The following SYT4 variants were observed in gnomAD, a reference collection of about 807,000 sequenced individuals.
The protein encoded by SYT4 is synaptotagmin-4.
A neutral mutation model predicts 32.9 loss-of-function variants in SYT4; 7 were observed. That is an observed-to-expected ratio of 0.21 (90% CI 0.12 to 0.40). The LOEUF (loss-of-function observed/expected upper bound fraction) is 0.40, where lower values mean the gene tolerates loss of function less well. SYT4 is among the 10% of genes least tolerant of loss of function. SYT4 has a pLI of 1.00. For missense variants in SYT4, 480 were observed against 488.0 expected (o/e 0.98, Z 0.16); for synonymous variants, 205 against 186.2 (o/e 1.10, Z -0.82).
In SYT4 at chr18:43,270,615, T is replaced by C. The variant is rs1216896514; in HGVS notation, c.1004A>G (p.Lys335Arg). The change falls in exon 4 of 4, where the codon AAA (lysine) becomes AGA (arginine). Residue 335 changes from lysine (K) to arginine (R), a missense_variant. Physicochemically the swap from Lys to Arg is conservative, Grantham distance 26. Transcript: ENST00000255224. ...AGTCTTCTTCTTGGAGATTCTCTTT[T>C]TGGCATGGTACAGGTTCACTTTGAC... ...PYVKVNLYHA[K>R]KRISKKKTHV... 1.2e-6 allele frequency: 2 copies of C among 1,613,978 alleles called. No homozygotes were observed. The highest frequency in any genetic ancestry group is 1.7e-6 in the Non-Finnish European group (2 of 1,179,934).
In SYT4 at chr18:43,270,056, C is replaced by T; in HGVS notation, c.*285G>A. On this transcript the variant is annotated 3_prime_UTR_variant, in exon 4 of 4. Transcript: ENST00000255224. ...TCACATTTATAATTTGGGATTCTGGCACAGTATTCATAAAATGTCTGACTA... is the reference window on the plus strand; with the variant it reads ...TCACATTTATAATTTGGGATTCTGGTACAGTATTCATAAAATGTCTGACTA... The T allele has an allele frequency of 2.7e-6, 1 of 367,578 alleles. No individual in the cohort carries two copies. The highest frequency in any genetic ancestry group is 4.9e-6 in the Non-Finnish European group (1 of 203,192). The allele number at this position is 367,578 out of a possible 1,614,324, so 22.8% of individuals were successfully genotyped here.
chr18:43,270,560 C>T lies in SYT4; in HGVS notation c.1059G>A (p.Val353=). ...THVKKCTPNA[V]FNELFVFDIP... ...TATCAAAGACAAACAGCTCATTGAA[C>T]ACTGCATTGGGGGTGCATTTCTTCA... Residue 353 remains valine (V), a synonymous_variant, in exon 4 of 4, where the codon GTG becomes GTA. Transcript: ENST00000255224. 1.2e-6 allele frequency: 2 copies of T among 1,614,044 alleles called. No individual in the cohort carries two copies. Among genetic ancestry groups the T allele is most frequent in the South Asian group, 2.2e-5 (2 of 91,082 alleles).
At position 43,273,950 on chromosome 18, in the gene SYT4, GAGA is replaced by G; in HGVS notation, c.476_478del (p.Phe159del). ...TTTTCTCTCGAAGTTGTATTCTAAG[GAGA>G]AGAAGAGAGTTCCCAGCTTCTCTTG... is the stretch of plus-strand genomic sequence containing the variant. On this transcript the variant is annotated inframe_deletion, in exon 2 of 4. Transcript: ENST00000255224. The G allele has an allele frequency of 6.2e-7, 1 of 1,613,938 alleles. No homozygotes were observed. The highest frequency in any genetic ancestry group is 8.5e-7 in the Non-Finnish European group (1 of 1,179,916).
At chr18:43,275,882 A>G (rs1007516657) in intron 1 of SYT4, among the ~76,000 whole-genome samples, 1 of 146,890 alleles carries the variant, frequency 6.8e-6, no homozygotes, top group African/African-American at 2.5e-5. Flanking sequence ...CCTTCTATTC[A>G]AGTCTTTGTG....
intron 1 of SYT4, among the ~76,000 whole-genome samples, chr18:43,276,089 G>T (rs1908783861): frequency 6.6e-6 from 1 of 152,108 alleles, no homozygotes; most frequent in Admixed American, 6.5e-5. Flanking sequence ...CTCCATATTA[G>T]AAAATCATTC....
Position 43,270,104 on chromosome 18 carries a change from T to A in SYT4, c.*237A>T, listed in dbSNP as rs1174882528. ...CTATTCCTAGTTATATCACTGGTAA[T>A]CTGAAGGAGATATTGAATATCTTAT... is the stretch of plus-strand genomic sequence containing the variant. On this transcript the variant is annotated 3_prime_UTR_variant, in exon 4 of 4. Coordinates refer to ENST00000255224, the MANE Select transcript of SYT4 (RefSeq NM_020783.4). The A allele has an allele frequency of 3.9e-6, 2 of 515,522 alleles. No individual in the cohort carries two copies. Among genetic ancestry groups the A allele is most frequent in the African/African-American group, 3.8e-5 (2 of 52,550 alleles). 31.9% of individuals were successfully genotyped at this position (515,522 alleles called of 1,614,324 possible). A position where few individuals can be genotyped will look rare whatever the true frequency, so the allele number is the denominator to read the frequency against.
chr18:43,271,841 A>G lies in SYT4; in HGVS notation c.850-9T>C. 1 of 1,609,810 alleles carries G rather than the reference A, an allele frequency of 6.2e-7. No homozygotes were observed. The highest frequency in any genetic ancestry group is 8.5e-7 in the Non-Finnish European group (1 of 1,177,444). ...CCCCGTCCTGAAGACTTCTGCAGAA[A>G]GAGAAATGTGATATAAGTATTTCTA... On this transcript the variant is annotated splice_polypyrimidine_tract_variant and intron_variant, in intron 2 of 3. Coordinates refer to ENST00000255224, the MANE Select transcript of SYT4 (RefSeq NM_020783.4).
intron 3 of SYT4, 111 bp from the exon 4 acceptor site, chr18:43,270,759 G>C: frequency 6.0e-6 from 7 of 1,162,930 alleles, no homozygotes; most frequent in Non-Finnish European, 8.4e-6. Context: ...TGGTTACCAG[G>C]AAAATAAGTC....
chr18:43,270,201 A>T lies in SYT4; in HGVS notation c.*140T>A. On this transcript the variant is annotated 3_prime_UTR_variant, in exon 4 of 4. Transcript: ENST00000255224. ...CACATTTGAAGTTACTTTCTGGTCT[A>T]CTAATTCAATCCATTTCTAGCAACA... 1 of 843,622 alleles carries T rather than the reference A, an allele frequency of 1.2e-6. No homozygotes were observed. Among genetic ancestry groups the T allele is most frequent in the Non-Finnish European group, 1.9e-6 (1 of 533,528 alleles). 52.3% of individuals were successfully genotyped at this position (843,622 alleles called of 1,614,324 possible).
rs1204599339 is a variant in SYT4 at position 43,273,607 on chromosome 18, A to G, written c.822T>C (p.Asn274=). Residue 274 remains asparagine, a synonymous_variant, in exon 2 of 4, where the codon AAT becomes AAC. Transcript: ENST00000255224. ...IELSEGKMLM[N]REIIKRNVRK... Reference sequence around the variant, plus strand: ...TAACATTTCTCTTGATGATCTCTCTATTCATTAACATTTTTCCTTCAGATA... The same window carrying G: ...TAACATTTCTCTTGATGATCTCTCTGTTCATTAACATTTTTCCTTCAGATA... 1.9e-6 allele frequency: 3 copies of G among 1,612,210 alleles called. No homozygotes were observed. The highest frequency in any genetic ancestry group is 2.5e-6 in the Non-Finnish European group (3 of 1,178,922).
Position 43,270,240 on chromosome 18 carries a change from A to C in SYT4, c.*101T>G. On this transcript the variant is annotated 3_prime_UTR_variant, in exon 4 of 4. Coordinates refer to ENST00000255224, the MANE Select transcript of SYT4 (RefSeq NM_020783.4). ...TTTCTAGCAACAACAACAACAACAA[A>C]AAGGTAGCTTGATTTCCCAAGCTTG... 7.8e-7 allele frequency: 1 copy of C among 1,280,348 alleles called. No individual in the cohort carries two copies. The highest frequency in any genetic ancestry group is 1.1e-6 in the Non-Finnish European group (1 of 922,040). The allele number at this position is 1,280,348 out of a possible 1,614,324, so 79.3% of individuals were successfully genotyped here.
chr18:43,277,399 C>A lies in SYT4; in HGVS notation c.-118G>T. 2.5e-6 allele frequency: 3 copies of A among 1,206,966 alleles called. No homozygotes were observed. The highest frequency in any genetic ancestry group is 1.3e-5 in the South Asian group (1 of 78,602). The allele number at this position is 1,206,966 out of a possible 1,614,324, so 74.8% of individuals were successfully genotyped here. ...GAAAACAACAGCGCAGAGCCCAGGG[C>A]ACCAGCTCCTGGAACAGGGAGGAGG... On this transcript the variant is annotated 5_prime_UTR_variant, in exon 1 of 4. Coordinates refer to ENST00000255224, the MANE Select transcript of SYT4 (RefSeq NM_020783.4).
Position 43,270,400 on chromosome 18 carries a change from C to G in SYT4, c.1219G>C (p.Glu407Gln), listed in dbSNP as rs1399249030. Residue 407 changes from glutamate to glutamine, a missense_variant, in exon 4 of 4, where the codon GAG becomes CAG. Transcript: ENST00000255224. ...TGTCTCCTGGGGTAGTCACAGATCT[C>G]TTTCCAGTGCTCTCCACCAGTTCCT... is the stretch of plus-strand genomic sequence containing the variant. The part of the protein sequence containing the change: ...AEGTGGEHWK[E>Q]ICDYPRRQIA... 1 of 1,614,002 alleles carries G rather than the reference C, an allele frequency of 6.2e-7. No individual in the cohort carries two copies. Among genetic ancestry groups the G allele is most frequent in the Non-Finnish European group, 8.5e-7 (1 of 1,179,984 alleles).
Position 43,270,414 on chromosome 18 carries a change from C to A in SYT4, c.1205G>T (p.Gly402Val). 6.2e-7 allele frequency: 1 copy of A among 1,614,116 alleles called. No individual in the cohort carries two copies. The change falls in exon 4 of 4, where the codon GGA (glycine) becomes GTA (valine). Residue 402 changes from glycine (G) to valine (V), a missense_variant. Gly to Val is a moderately radical substitution (Grantham distance 109). Coordinates refer to ENST00000255224, the MANE Select transcript of SYT4 (RefSeq NM_020783.4). Reference sequence around the variant, plus strand: ...GTCACAGATCTCTTTCCAGTGCTCTCCACCAGTTCCTTCTGCTGCTGCACC... The same window carrying A: ...GTCACAGATCTCTTTCCAGTGCTCTACACCAGTTCCTTCTGCTGCTGCACC... ...VLGAAAEGTGGEHWKEICDYP... is the reference protein window; with the variant it reads ...VLGAAAEGTGVEHWKEICDYP...
intron 1 of SYT4, among the ~76,000 whole-genome samples, chr18:43,275,892 GA>G (rs35823374): frequency 0.18 from 26,887 of 150,894 alleles, 2,627 homozygotes; most frequent in Non-Finnish European, 0.22. Context: ...AAGTCTTTGT[GA>G]AAAAAAAATG....
rs1336480692 is a variant in SYT4 at position 43,268,085 on chromosome 18, G to C, written c.*2256C>G. On this transcript the variant is annotated 3_prime_UTR_variant, in exon 4 of 4. Transcript: ENST00000255224. ...CAAACATGTATACCTCCCCATTTGG[G>C]TGGTGAGATTGGCTAATCAGACAAA... 6.6e-6 allele frequency: 1 copy of C among 152,510 alleles called. No individual in the cohort carries two copies. The highest frequency in any genetic ancestry group is 1.5e-5 in the Non-Finnish European group (1 of 68,026). 9.4% of individuals were successfully genotyped at this position (152,510 alleles called of 1,614,324 possible). A position where few individuals can be genotyped will look rare whatever the true frequency, so the allele number is the denominator to read the frequency against.
intron 2 of SYT4, among the ~76,000 whole-genome samples, chr18:43,272,509 T>C (rs1908661424): frequency 6.6e-6 from 1 of 152,202 alleles, no homozygotes; most frequent in Non-Finnish European, 1.5e-5. Context: ...AGATTTCATT[T>C]GTACTTTAAA....
Position 43,268,761 on chromosome 18 carries a change from T to G in SYT4, c.*1580A>C, listed in dbSNP as rs978170982. ...ACAAAAAAGAGGTTGATTTTTAATCTTTGTACATACAGAATGTAATACATT... is the reference window on the plus strand; with the variant it reads ...ACAAAAAAGAGGTTGATTTTTAATCGTTGTACATACAGAATGTAATACATT... On this transcript the variant is annotated 3_prime_UTR_variant, in exon 4 of 4. Transcript: ENST00000255224. The G allele has an allele frequency of 1.3e-5, 2 of 152,654 alleles. No homozygotes were observed. The highest frequency in any genetic ancestry group is 4.8e-5 in the African/African-American group (2 of 41,460). 9.5% of individuals were successfully genotyped at this position (152,654 alleles called of 1,614,324 possible). A position where few individuals can be genotyped will look rare whatever the true frequency, so the allele number is the denominator to read the frequency against.
chr18:43,273,374 T>C (rs986088767), intron 2 of SYT4, among the ~76,000 whole-genome samples: 1 of 152,140 alleles, frequency 6.6e-6, no homozygotes, highest in Non-Finnish European at 1.5e-5. Flanking sequence ...TTTTACATCA[T>C]TAAAACACTT....
Sources: allele counts gnomAD v4.1 joint callset (sites outside exome capture counted in the v4.1 genomes callset), GRCh38; gene constraint gnomAD v4.1.1; transcripts MANE v1.5; gene names NCBI Gene and HGNC (gene_info 2026-07-23, HGNC 2026-07-21).